Variants in INSR observed in about 807,000 individuals in gnomAD.
INSR encodes the protein IR.
A neutral mutation model predicts 142.6 loss-of-function variants in INSR; 67 were observed. That is an observed-to-expected ratio of 0.47 (90% CI 0.39 to 0.58). The LOEUF is 0.58. Ranked by LOEUF, INSR falls within the 20% of genes least tolerant of loss-of-function variation. INSR has a pLI of 0.00. For synonymous variants in INSR, 756 were observed against 743.1 expected, an observed-to-expected ratio of 1.02 and a Z score of -0.28; for missense variants, 1,248 against 1,833.2, an observed-to-expected ratio of 0.68 and a Z score of 5.83.
At chr19:7,277,726 G>A (rs1380719924) in intron 1 of INSR, among the ~76,000 whole-genome samples, 1 of 152,124 alleles carries the variant, frequency 6.6e-6, no homozygotes. Flanking sequence ...GAGCCCAAGA[G>A]GTTGAGGCTG....
chr19:7,279,451 G>A (rs1285739284), intron 1 of INSR, among the ~76,000 whole-genome samples: 2 of 150,886 alleles, frequency 1.3e-5, no homozygotes, highest in Non-Finnish European at 2.9e-5. Flanking sequence ...AGAGAAGAGG[G>A]AGAAGAGAGT....
rs750417912 is a variant in INSR at position 7,172,421 on chromosome 19, A to G, written c.1137T>C (p.Ala379=). ...TGAGGCCGAGGTTGGCTTCTAGCTC[A>G]GCTGCCAGATTGTCTAAGGAAAGGA... ...INIRGGNNLA[A]ELEANLGLIE... Residue 379 remains alanine, a synonymous_variant, in exon 5 of 22, where the codon GCT becomes GCC. Coordinates refer to ENST00000302850, the MANE Select transcript of INSR (RefSeq NM_000208.4). The G allele has an allele frequency of 1.2e-5, 20 of 1,613,990 alleles. No individual in the cohort carries two copies.
intron 1 of INSR, chr19:7,268,669 G>A (rs921702266): frequency 1.1e-6 from 1 of 912,018 alleles, no homozygotes; most frequent in Non-Finnish European, 1.3e-6. Context: ...AAACAACTCA[G>A]GGCAAGCACT....
intron 2 of INSR, among the ~76,000 whole-genome samples, chr19:7,266,543 G>A (rs7255731): frequency 0.28 from 42,329 of 151,932 alleles, 6,096 homozygotes; most frequent in Middle Eastern, 0.34. Flanking sequence ...GCACCGCCAC[G>A]CCCGGCTAAT....
chr19:7,196,031 G>C (rs530786082), intron 2 of INSR, among the ~76,000 whole-genome samples: 2 of 151,686 alleles, frequency 1.3e-5, no homozygotes, highest in East Asian at 3.9e-4. Flanking sequence ...TGCCTCCCAG[G>C]TTCAAGCGAA....
In INSR at chr19:7,129,057, C is replaced by T. The variant is rs528763213; in HGVS notation, c.2843-103G>A. 4.8e-6 allele frequency: 4 copies of T among 826,126 alleles called. No individual in the cohort carries two copies. The East Asian group carries it at 1.0e-4, about 21-fold the overall frequency. 51.2% of individuals were successfully genotyped at this position (826,126 alleles called of 1,614,324 possible). On this transcript the variant is annotated intron_variant, in intron 14 of 21. Coordinates refer to ENST00000302850, the MANE Select transcript of INSR (RefSeq NM_000208.4). Reference sequence around the variant, plus strand: ...CTGGAATGGGTGGGCCACCCTGTTCCTTCCCTCCCTTGTCCATAAACCTCT... The same window carrying T: ...CTGGAATGGGTGGGCCACCCTGTTCTTTCCCTCCCTTGTCCATAAACCTCT...
Position 7,169,340 on chromosome 19 carries a change from C to T in INSR, c.1483+1197G>A, listed in dbSNP as rs901414274. On this transcript the variant is annotated intron_variant, in intron 6 of 21. Transcript: ENST00000302850. ...ATCTCAGCACTTTGGGAGGCCGAGG[C>T]GGGAGGATCACCTGAGGTCAGGAGT... Among the ~76,000 whole-genome samples, 5 of 151,750 alleles carry T rather than the reference C, an allele frequency of 3.3e-5. No homozygotes were observed. In the East Asian group the frequency reaches 5.8e-4, roughly 18 times the overall value.
rs756470654 is a variant in INSR at position 7,125,283 on chromosome 19, C to T, written c.3258G>A (p.Val1086=). The change falls in exon 17 of 22, where the codon GTG becomes GTA. Residue 1086 remains valine, a splice_region_variant and synonymous_variant. Coordinates refer to ENST00000302850, the MANE Select transcript of INSR (RefSeq NM_000208.4). The surrounding 1 kb of genome is among the most constrained non-coding windows in gnomAD (Gnocchi z 4.9). ...CATGTCCCACCCCCACTGGACTCAC[C>T]ACGTGATGGCAGGTGAAGCCCTTCA... The part of the protein sequence containing the change: ...SVMKGFTCHH[V]VRLLGVVSKG... 10 of 1,614,000 alleles carry T rather than the reference C, an allele frequency of 6.2e-6. No individual in the cohort carries two copies. Among genetic ancestry groups the T allele is most frequent in the Non-Finnish European group, 7.6e-6 (9 of 1,180,004 alleles).
chr19:7,215,540 C>T lies in INSR; in HGVS notation c.653-30903G>A, dbSNP rs146482230. On this transcript the variant is annotated intron_variant, in intron 2 of 21. Coordinates refer to ENST00000302850, the MANE Select transcript of INSR (RefSeq NM_000208.4). Reference sequence around the variant, plus strand: ...AACGCCAGCAGCCCCTGAAAACTACCGAGCTTCCTTTTCCTGTATTTATTT... The same window carrying T: ...AACGCCAGCAGCCCCTGAAAACTACTGAGCTTCCTTTTCCTGTATTTATTT... Among the ~76,000 whole-genome samples, 229 of 139,218 alleles carry T rather than the reference C, an allele frequency of 1.6e-3. 1 individual carries two copies. Among genetic ancestry groups the T allele is most frequent in the African/African-American group, 6.0e-3 (222 of 37,030 alleles). 91.3% of individuals were successfully genotyped at this position (139,218 alleles called of 152,430 possible). A position where few individuals can be genotyped will look rare whatever the true frequency, so the allele number is the denominator to read the frequency against.
At chr19:7,292,733 T>A (rs1968529501) in intron 1 of INSR, among the ~76,000 whole-genome samples, 1 of 152,170 alleles carries the variant, frequency 6.6e-6, no homozygotes, top group African/African-American at 2.4e-5. Context: ...CTATATTCCT[T>A]AAATGATTGC....
At chr19:7,233,668 C>CTTTTTTTTTTTTTTTTTTTTTTTTT (rs35763064) in intron 2 of INSR, among the ~76,000 whole-genome samples, 8 of 72,408 alleles carry the variant, frequency 1.1e-4, no homozygotes, top group Non-Finnish European at 1.2e-4. Flanking sequence ...CTTTTTCTGT[C>CTTTTTTTTTTTTTTTTTTTTTTTTT]TTTTTTTTTT....
intron 11 of INSR, among the ~76,000 whole-genome samples, chr19:7,143,985 G>A (rs1294253301): frequency 6.6e-6 from 1 of 151,828 alleles, no homozygotes; most frequent in Non-Finnish European, 1.5e-5. Flanking sequence ...AACCCGGGAG[G>A]CGGAGGTTGC....
chr19:7,130,093 C>T (rs1271749193), intron 14 of INSR, among the ~76,000 whole-genome samples: 1 of 152,148 alleles, frequency 6.6e-6, no homozygotes, highest in Non-Finnish European at 1.5e-5. Flanking sequence ...AGGCACTTAA[C>T]ATTTGTGTCA....
chr19:7,182,448 G>A lies in INSR; in HGVS notation c.974+1868C>T, dbSNP rs111871251. Among the ~76,000 whole-genome samples the A allele has an allele frequency of 4.6e-5, 7 of 152,286 alleles. No homozygotes were observed. The East Asian group carries it at 1.2e-3, about 25-fold the overall frequency. ...GAATGGCTTGAACCTGGAAGGCAGAGGTTGCAGTGAGCTGAGATCATGCCA... is the reference window on the plus strand; with the variant it reads ...GAATGGCTTGAACCTGGAAGGCAGAAGTTGCAGTGAGCTGAGATCATGCCA... On this transcript the variant is annotated intron_variant, in intron 3 of 21. Transcript: ENST00000302850.
At position 7,118,971 on chromosome 19, in the gene INSR, C is replaced by T. The variant is rs114280312; in HGVS notation, c.3794+478G>A. On this transcript the variant is annotated intron_variant, in intron 21 of 21. Coordinates refer to ENST00000302850, the MANE Select transcript of INSR (RefSeq NM_000208.4). The stretch of plus-strand genomic sequence containing the variant: ...GGCAAACAGGTCTCTCTCCCCCAAC[C>T]CCAGGTCTCCAGTTCCCTTCTCCCA... Among the ~76,000 whole-genome samples, 1,305 of 151,472 alleles carry T rather than the reference C, an allele frequency of 8.6e-3. 19 individuals are homozygous for T. The highest frequency in any genetic ancestry group is 0.03 in the African/African-American group (1,236 of 41,236).
At chr19:7,214,606 T>C (rs1447661803) in intron 2 of INSR, among the ~76,000 whole-genome samples, 7 of 152,160 alleles carry the variant, frequency 4.6e-5, no homozygotes, top group Non-Finnish European at 4.4e-5. Flanking sequence ...ACCTCTATCA[T>C]CGCTGCAGCC....
intron 19 of INSR, 52 bp from the exon 20 acceptor site, chr19:7,120,801 A>G (rs769176650): frequency 3.1e-6 from 5 of 1,604,560 alleles, no homozygotes; most frequent in Non-Finnish European, 4.3e-6. Context: ...TGGTCCTAGC[A>G]TCTGCCACCT....
rs577057544 is a variant in INSR, at chr19:7,119,645, C to T, written c.3660-62G>A. On this transcript the variant is annotated intron_variant, in intron 20 of 21. Coordinates refer to ENST00000302850, the MANE Select transcript of INSR (RefSeq NM_000208.4). This position sits in a 1 kb window ranked among gnomAD's most constrained non-coding sequence, Gnocchi z 5.2. ...ATTTAGACACACACACACACGCGCG[C>T]GCGCAAACACACACACGCAAACGCA... 518 of 1,580,538 alleles carry T rather than the reference C, an allele frequency of 3.3e-4. 2 individuals are homozygous for T. The highest frequency in any genetic ancestry group is 2.0e-3 in the South Asian group (179 of 90,166).
At chr19:7,278,438 T>C (rs1476727555) in intron 1 of INSR, among the ~76,000 whole-genome samples, 1 of 152,198 alleles carries the variant, frequency 6.6e-6, no homozygotes, top group African/African-American at 2.4e-5. Context: ...GAAAGGCAGA[T>C]ACCCAACTCT....
Sources: allele counts gnomAD v4.1 joint callset (sites outside exome capture counted in the v4.1 genomes callset), GRCh38; gene constraint gnomAD v4.1.1; non-coding constraint Gnocchi (gnomAD v3.1); transcripts MANE v1.5; gene names NCBI Gene and HGNC (gene_info 2026-07-23, HGNC 2026-07-21).